The following DYNLRB2 variants were observed in gnomAD, a reference collection of about 807,000 sequenced individuals.
The protein encoded by DYNLRB2 is dynein light chain roadblock-type 2, also known as bithoraxoid-like protein.
DYNLRB2 carries 14 observed loss-of-function variants against 12.6 expected under a neutral mutation model. The observed-to-expected ratio is 1.11, with a 90% confidence interval of 0.73 to 1.73. The LOEUF (loss-of-function observed/expected upper bound fraction) is 1.73. Among genes scored for constraint, DYNLRB2 ranks in the 40% most tolerant of loss-of-function variants. The probability of loss-of-function intolerance (pLI) is 0.00; values close to 1 mark genes in which losing one functional copy is unlikely to be tolerated. For missense variants in DYNLRB2, 142 were observed against 117.7 expected (o/e 1.21, Z -0.95); for synonymous variants, 53 against 37.0 (o/e 1.43, Z -1.57).
intron 2 of DYNLRB2, among the ~76,000 whole-genome samples, chr16:80,545,541 T>A (rs959077052): frequency 1.3e-5 from 2 of 152,072 alleles, no homozygotes; most frequent in Non-Finnish European, 2.9e-5. Flanking sequence ...GGTAGGGATA[T>A]GTTACAGTGA....
chr16:80,541,477 G>A (rs138538953), intron 1 of DYNLRB2: 1 of 745,860 alleles, frequency 1.3e-6, no homozygotes, highest in East Asian at 1.3e-4. Flanking sequence ...AGGTGGGACA[G>A]GGAAAGCAAG....
chr16:80,549,659 G>T lies in DYNLRB2; in HGVS notation c.247+8G>T. The T allele has an allele frequency of 6.3e-7, 1 of 1,575,152 alleles. No homozygotes were observed. The highest frequency in any genetic ancestry group is 8.7e-7 in the Non-Finnish European group (1 of 1,153,498). ...AAATCATGGTAGCTCCAGGTAATTT[G>T]GCATTTCATTTCCTAGTTAAATCAT... On this transcript the variant is annotated splice_region_variant and intron_variant, in intron 3 of 3. Coordinates refer to ENST00000305904, the MANE Select transcript of DYNLRB2 (RefSeq NM_130897.3).
intron 2 of DYNLRB2, chr16:80,549,203 A>C (rs1371143583): frequency 5.5e-6 from 2 of 365,770 alleles, no homozygotes; most frequent in Non-Finnish European, 1.0e-5. Flanking sequence ...TATTAAAAAT[A>C]ATGTTGATGA....
In DYNLRB2 at chr16:80,549,548, C is replaced by T. The variant is rs967161002; in HGVS notation, c.144C>T (p.His48=). ...TTVQYAGLLH[H]LTMKAKSTVR... is the part of the protein sequence containing the mutation. Reference sequence around the variant, plus strand: ...TTCAATATGCAGGCCTTCTTCATCACCTGACAATGAAAGCCAAAAGCACAG... The same window carrying T: ...TTCAATATGCAGGCCTTCTTCATCATCTGACAATGAAAGCCAAAAGCACAG... The change falls in exon 3 of 4, where the codon CAC becomes CAT. Residue 48 remains histidine (H), a synonymous_variant. Transcript: ENST00000305904. 2.5e-6 allele frequency: 4 copies of T among 1,613,462 alleles called. No individual in the cohort carries two copies. Among genetic ancestry groups the T allele is most frequent in the African/African-American group, 1.3e-5 (1 of 75,050 alleles).
At position 80,550,809 on chromosome 16, in the gene DYNLRB2, T is replaced by G; in HGVS notation, c.*251T>G. 1 of 510,360 alleles carries G rather than the reference T, an allele frequency of 2.0e-6. No homozygotes were observed. The highest frequency in any genetic ancestry group is 3.5e-6 in the Non-Finnish European group (1 of 288,960). The allele number at this position is 510,360 out of a possible 1,614,324, so 31.6% of individuals were successfully genotyped here. A position where few individuals can be genotyped will look rare whatever the true frequency, so the allele number is the denominator to read the frequency against. On this transcript the variant is annotated 3_prime_UTR_variant, in exon 4 of 4. Coordinates refer to ENST00000305904, the MANE Select transcript of DYNLRB2 (RefSeq NM_130897.3). ...TAATACACAAAACCAAGGATTCTAC[T>G]AAGACAGCGCTCCTTGTGATAATTA...
At position 80,545,921 on chromosome 16, in the gene DYNLRB2, G is replaced by A. The variant is rs568581343; in HGVS notation, c.79+2570G>A. 3.3e-3 allele frequency among the ~76,000 whole-genome samples: 492 copies of A among 151,318 alleles called. 1 individual carries two copies. Among genetic ancestry groups the A allele is most frequent in the African/African-American group, 0.011 (453 of 41,288 alleles). On this transcript the variant is annotated intron_variant, in intron 2 of 3. Transcript: ENST00000305904. ...CCTGACCTTGTGATCCACCCACCTCGGCCTCCCAAAGTGCTGGGATTACAG... is the reference window on the plus strand; with the variant it reads ...CCTGACCTTGTGATCCACCCACCTCAGCCTCCCAAAGTGCTGGGATTACAG...
chr16:80,543,447 A>AAAT, intron 2 of DYNLRB2, 96 bp downstream of exon 2: 1 of 1,152,204 alleles, frequency 8.7e-7, no homozygotes, highest in Non-Finnish European at 1.3e-6. Flanking sequence ...CGAATTTGAC[A>AAAT]TCAAAAATAT....
chr16:80,541,211 G>T, intron 1 of DYNLRB2, 132 bp downstream of exon 1: 6 of 1,447,468 alleles, frequency 4.1e-6, no homozygotes, highest in Non-Finnish European at 5.5e-6. Context: ...GTGGCTCCAG[G>T]ATCTTCCTGG....
At chr16:80,549,399 T>A in intron 2 of DYNLRB2, 85 bp from the exon 3 acceptor site, 1 of 1,310,064 alleles carries the variant, frequency 7.6e-7, no homozygotes, top group Non-Finnish European at 1.0e-6. Context: ...TCTTTACAAC[T>A]ATCAGTGTTT....
chr16:80,549,486 A>G lies in DYNLRB2; in HGVS notation c.82A>G (p.Ile28Val). Residue 28 changes from isoleucine to valine, a missense_variant and splice_region_variant, in exon 3 of 4, where the codon ATT becomes GTT. By Grantham distance (29) the Ile-to-Val change is conservative. Coordinates refer to ENST00000305904, the MANE Select transcript of DYNLRB2 (RefSeq NM_130897.3). ...IGTMVVNAEG[I>V]PIRTTLDNST... ...ACCAAAATTAAATTTCATAATAGGT[A>G]TTCCCATCCGAACAACCTTGGACAA... 6.3e-7 allele frequency: 1 copy of G among 1,595,368 alleles called. No homozygotes were observed. Among genetic ancestry groups the G allele is most frequent in the Non-Finnish European group, 8.6e-7 (1 of 1,168,222 alleles).
chr16:80,549,829 A>T (rs1904729788), intron 3 of DYNLRB2, among the ~76,000 whole-genome samples, 178 bp downstream of exon 3: 1 of 152,242 alleles, frequency 6.6e-6, no homozygotes, highest in Non-Finnish European at 1.5e-5. Context: ...TGAAATTAGC[A>T]ATTAATATGA....
chr16:80,542,022 G>A (rs1904292738), intron 1 of DYNLRB2, among the ~76,000 whole-genome samples: 5 of 152,110 alleles, frequency 3.3e-5, no homozygotes, highest in Admixed American at 2.0e-4. Context: ...CTACATACAG[G>A]AGAAAATTTC....
At chr16:80,541,228 G>T (rs1250276344) in intron 1 of DYNLRB2, 149 bp downstream of exon 1, 6 of 1,428,616 alleles carry the variant, frequency 4.2e-6, no homozygotes, top group Non-Finnish European at 5.6e-6. Flanking sequence ...CTGGAGGGGC[G>T]AGAGGGAGAC....
upstream of DYNLRB2, chr16:80,540,816 C>A (rs1184952994): frequency 1.4e-6 from 1 of 711,806 alleles, no homozygotes. Flanking sequence ...TCCCTCTTCC[C>A]TCCCGGGACC....
intron 2 of DYNLRB2, among the ~76,000 whole-genome samples, chr16:80,545,601 G>A (rs1162120032): frequency 6.7e-6 from 1 of 148,948 alleles, no homozygotes; most frequent in Non-Finnish European, 1.5e-5. Flanking sequence ...TTTTCCTGAG[G>A]TTCCTCAATT....
At chr16:80,542,739 A>T (rs1159201145) in intron 1 of DYNLRB2, among the ~76,000 whole-genome samples, 1 of 152,184 alleles carries the variant, frequency 6.6e-6, no homozygotes, top group African/African-American at 2.4e-5. Context: ...AAATCCTAGA[A>T]TCCTGGAATA....
upstream of DYNLRB2, chr16:80,540,798 G>A (rs1490530400): frequency 1.4e-6 from 1 of 705,692 alleles, no homozygotes; most frequent in Non-Finnish European, 2.6e-6. Flanking sequence ...CCGGGAGCCT[G>A]ACCCACTTCC....
chr16:80,541,843 A>G (rs1392471054), intron 1 of DYNLRB2, among the ~76,000 whole-genome samples: 1 of 152,238 alleles, frequency 6.6e-6, no homozygotes, highest in African/African-American at 2.4e-5. Flanking sequence ...AAGATTGCCC[A>G]AAATGCAGTG....
At chr16:80,549,298 T>C in intron 2 of DYNLRB2, 186 bp from the exon 3 acceptor site, 1 of 568,384 alleles carries the variant, frequency 1.8e-6, no homozygotes, top group Non-Finnish European at 3.0e-6. Context: ...TTCACACAAC[T>C]ATACTTAAAA....
Sources: allele counts gnomAD v4.1 joint callset (sites outside exome capture counted in the v4.1 genomes callset), GRCh38; gene constraint gnomAD v4.1.1; transcripts MANE v1.5; gene names NCBI Gene and HGNC (gene_info 2026-07-23, HGNC 2026-07-21).